Variants in RIF1 observed in about 807,000 individuals in gnomAD.
RIF1 encodes the protein telomere-associated protein RIF1.
Under a neutral mutation model 247.1 loss-of-function variants are expected in RIF1, and 45 were observed. That is an observed-to-expected ratio of 0.18 (90% CI 0.14 to 0.23). The LOEUF is 0.23. RIF1 is among the 10% of genes least tolerant of loss of function. The pLI is 1.00. For synonymous variants in RIF1, 1,087 were observed against 978.8 expected (o/e 1.11, Z -2.06); for missense variants, 2,967 against 2,862.5 (o/e 1.04, Z -0.83).
At chr2:151,496,712 C>A (rs577370516) in intron 10 of RIF1, among the ~76,000 whole-genome samples, 1 of 151,828 alleles carries the variant, frequency 6.6e-6, no homozygotes, top group South Asian at 2.1e-4. Flanking sequence ...CGGAAAAACT[C>A]ATTTTTAAAA....
At chr2:151,501,783 A>G (rs1172372477) in intron 11 of RIF1, among the ~76,000 whole-genome samples, 1 of 152,122 alleles carries the variant, frequency 6.6e-6, no homozygotes, top group Non-Finnish European at 1.5e-5. Flanking sequence ...ACTAATTGAA[A>G]TTAATATCCA....
chr2:151,458,828 C>G lies in RIF1; in HGVS notation c.2873C>G (p.Ala958Gly). 1 of 1,611,464 alleles carries G rather than the reference C, an allele frequency of 6.2e-7. No homozygotes were observed. Among genetic ancestry groups the G allele is most frequent in the Non-Finnish European group, 8.5e-7 (1 of 1,178,212 alleles). ...TTTTAAAGACCAGTACTAACACAAG[C>G]CAAACAAAAATTTCTGCTCCTGTTG... ...PEELKPVLTQAKQKFLLLLPG... is the reference protein window; with the variant it reads ...PEELKPVLTQGKQKFLLLLPG... Residue 958 changes from alanine (A) to glycine (G), a missense_variant, in exon 25 of 36, where the codon GCC becomes GGC. Physicochemically the swap from Ala to Gly is moderately conservative, Grantham distance 60. Coordinates refer to ENST00000444746, the MANE Select transcript of RIF1 (RefSeq NM_018151.5).
intron 22 of RIF1, 112 bp from the exon 23 acceptor site, chr2:151,456,466 C>T: frequency 1.6e-6 from 1 of 608,172 alleles, no homozygotes; most frequent in Non-Finnish European, 2.8e-6. Flanking sequence ...CTTTTTATAT[C>T]ATCAATTTAT....
chr2:151,416,479 A>T, intron 4 of RIF1, 82 bp from the exon 5 acceptor site: 2 of 1,212,098 alleles, frequency 1.7e-6, no homozygotes, highest in Non-Finnish European at 1.2e-6. Context: ...ATTGATGAGT[A>T]TATTGTTTTC....
chr2:151,498,052 T>G, intron 10 of RIF1: 1 of 1,450,696 alleles, frequency 6.9e-7, no homozygotes, highest in South Asian at 1.5e-5. Context: ...ACATTCATTA[T>G]TTTTAAAACA....
downstream of RIF1, among the ~76,000 whole-genome samples, chr2:151,486,107 C>A (rs528886615): frequency 6.6e-6 from 1 of 152,108 alleles, no homozygotes; most frequent in African/African-American, 2.4e-5. Flanking sequence ...ACTTGCAAGT[C>A]ATGTATCTGA....
chr2:151,467,852 A>G, intron 30 of RIF1, 148 bp from the exon 31 acceptor site: 2 of 618,534 alleles, frequency 3.2e-6, no homozygotes, highest in Non-Finnish European at 5.5e-6. Context: ...CTGTGAAGGC[A>G]GTCGCTAGGA....
the RIF1 span, chr2:151,519,808 C>CA: frequency 7.3e-7 from 1 of 1,363,332 alleles, no homozygotes; most frequent in Non-Finnish European, 1.0e-6. Context: ...TCCTGGACAT[C>CA]AATCAATTTG....
chr2:151,453,018 T>G (rs1694590521), intron 21 of RIF1, among the ~76,000 whole-genome samples: 1 of 152,192 alleles, frequency 6.6e-6, no homozygotes, highest in African/African-American at 2.4e-5. Flanking sequence ...AAATTGTTAT[T>G]ATCAGGATCA....
intron 4 of RIF1, 135 bp downstream of exon 4, chr2:151,415,054 G>C: frequency 1.6e-6 from 1 of 612,004 alleles, no homozygotes; most frequent in Non-Finnish European, 2.8e-6. Context: ...TTGCTTTTAA[G>C]AAAGAAAGAA....
At chr2:151,448,878 A>G (rs927075530) in intron 20 of RIF1, among the ~76,000 whole-genome samples, 1 of 152,178 alleles carries the variant, frequency 6.6e-6, no homozygotes, top group Non-Finnish European at 1.5e-5. Context: ...TATCACCTTT[A>G]AAAAATGGTC....
chr2:151,502,890 G>GAGAT lies in RIF1; in HGVS notation c.*710-142_*710-139dup, dbSNP rs773113491. 2.3e-5 allele frequency: 35 copies of GAGAT among 1,545,976 alleles called. No individual in the cohort carries two copies. The highest frequency in any genetic ancestry group is 3.0e-5 in the Non-Finnish European group (34 of 1,124,708). ...CAAATTTTCTTTGTACAAAACCTGT[G>GAGAT]AGATACAAGAAAGTACCCAGAGGAC... On this transcript the variant is annotated intron_variant and NMD_transcript_variant, in intron 11 of 13. Coordinates refer to the RIF1 transcript ENST00000454583.
Position 151,459,995 on chromosome 2 carries a change from AACAG to A in RIF1, c.2957_2960del. On this transcript the variant is annotated splice_acceptor_variant and splice_polypyrimidine_tract_variant and intron_variant, in intron 25 of 35. Coordinates refer to ENST00000444746, the MANE Select transcript of RIF1 (RefSeq NM_018151.5). LOFTEE classifies it high-confidence loss of function. ...AATGAAATTGTTTCATTTTTAATAA[AACAG>A]ACAGAAAATTCACAACTAAATGTGA... 7 of 1,526,784 alleles carry A rather than the reference AACAG, an allele frequency of 4.6e-6. No homozygotes were observed. Among genetic ancestry groups the A allele is most frequent in the African/African-American group, 1.4e-5 (1 of 70,504 alleles). 94.6% of individuals were successfully genotyped at this position (1,526,784 alleles called of 1,614,324 possible).
intron 8 of RIF1, among the ~76,000 whole-genome samples, chr2:151,428,501 A>G (rs1203095810): frequency 6.6e-6 from 1 of 151,950 alleles, no homozygotes; most frequent in East Asian, 2.0e-4. Flanking sequence ...TCTGTTTTAG[A>G]AATGTTCTGT....
intron 28 of RIF1, 27 bp from the exon 29 acceptor site, chr2:151,462,385 T>A: frequency 6.8e-7 from 1 of 1,465,704 alleles, no homozygotes; most frequent in Non-Finnish European, 9.2e-7. Context: ...ATTATAAAAA[T>A]AATATTCTTA....
chr2:151,529,502 A>G, the RIF1 span, among the ~76,000 whole-genome samples: 4 of 152,036 alleles, frequency 2.6e-5, no homozygotes, highest in Admixed American at 2.6e-4. Flanking sequence ...AGATCAGGGC[A>G]CACTGACTAT....
intron 15 of RIF1, 125 bp from the exon 16 acceptor site, chr2:151,441,780 T>G: frequency 6.1e-5 from 29 of 472,956 alleles, no homozygotes; most frequent in East Asian, 8.6e-5. Flanking sequence ...TTTTAACTAA[T>G]GAGATTATAT....
At chr2:151,473,301 T>C (rs976523421) in intron 34 of RIF1, among the ~76,000 whole-genome samples, 4 of 150,712 alleles carry the variant, frequency 2.7e-5, no homozygotes, top group Admixed American at 1.3e-4. Context: ...CCTTTTTTTT[T>C]TTTTTTTTTT....
chr2:151,438,216 G>A (rs1241339864), intron 13 of RIF1, among the ~76,000 whole-genome samples: 1 of 152,214 alleles, frequency 6.6e-6, no homozygotes, highest in Non-Finnish European at 1.5e-5. Flanking sequence ...GGTAGCGCAT[G>A]CCTGTAATCC....
Sources: gnomAD v4.1 joint callset for allele counts (sites outside exome capture counted in the v4.1 genomes callset) on GRCh38, gnomAD v4.1.1 for gene constraint, MANE v1.5 for transcripts, NCBI Gene and HGNC (gene_info 2026-07-23, HGNC 2026-07-21) for gene names.